ANO1: variants seen among roughly 807,000 people sequenced by gnomAD.
The protein encoded by ANO1 is anoctamin-1.
A neutral mutation model predicts 124.0 loss-of-function variants in ANO1; 59 were observed. The ratio of observed to expected loss-of-function variants is 0.48; its 90% CI spans 0.39 to 0.59. The LOEUF (loss-of-function observed/expected upper bound fraction) is 0.59, where lower values mean the gene tolerates loss of function less well. ANO1 is among the 20% of genes least tolerant of loss of function. The probability of loss-of-function intolerance (pLI) is 0.00; values close to 1 mark genes in which losing one functional copy is unlikely to be tolerated. For missense variants in ANO1, 1,059 were observed against 1,328.0 expected (o/e 0.80, Z 3.15); for synonymous variants, 529 against 532.0 (o/e 0.99, Z 0.08).
At chr11:70,136,848 G>A (rs1247025461) in intron 11 of ANO1, among the ~76,000 whole-genome samples, 2 of 147,750 alleles carry the variant, frequency 1.4e-5, no homozygotes, top group Non-Finnish European at 3.0e-5. Flanking sequence ...GGACAAAGGC[G>A]TTCGATTTTC....
chr11:70,180,274 G>A (rs1283641543), intron 23 of ANO1, among the ~76,000 whole-genome samples: 1 of 145,678 alleles, frequency 6.9e-6, no homozygotes, highest in Non-Finnish European at 1.5e-5. Flanking sequence ...ACCTTTTTCT[G>A]CAAGTTTTTT....
At chr11:70,005,362 G>A (rs1349787782) in intron 1 of ANO1, among the ~76,000 whole-genome samples, 1 of 152,162 alleles carries the variant, frequency 6.6e-6, no homozygotes, top group African/African-American at 2.4e-5. Context: ...CAGAGCATAA[G>A]GCTTTTCTCT....
chr11:70,134,520 G>A (rs930543676), intron 11 of ANO1, among the ~76,000 whole-genome samples: 20 of 152,318 alleles, frequency 1.3e-4, no homozygotes, highest in African/African-American at 4.3e-4. Context: ...ACTCTCAGCC[G>A]AGGCTTAGCA....
At chr11:70,162,294 C>T (rs190702293) in intron 18 of ANO1, among the ~76,000 whole-genome samples, 1 of 151,278 alleles carries the variant, frequency 6.6e-6, no homozygotes, top group Non-Finnish European at 1.5e-5. Context: ...GCAGTGGGGA[C>T]CCCAGGCAGT....
intron 1 of ANO1, among the ~76,000 whole-genome samples, chr11:70,021,919 C>G (rs1250050604): frequency 6.6e-6 from 1 of 152,198 alleles, no homozygotes. Context: ...CACACAAGAA[C>G]TTGTTCCCCC....
At chr11:70,054,115 G>A (rs1256144446) in intron 1 of ANO1, among the ~76,000 whole-genome samples, 2 of 152,142 alleles carry the variant, frequency 1.3e-5, no homozygotes, top group Non-Finnish European at 2.9e-5. Flanking sequence ...CAGGCAAGAG[G>A]GGCCCCTGCC....
At chr11:69,978,035 A>G in the ANO1 span, among the ~76,000 whole-genome samples, 6 of 152,278 alleles carry the variant, frequency 3.9e-5, no homozygotes, top group African/African-American at 1.2e-4. Flanking sequence ...CGGTGTCCCC[A>G]GGGCAGCTTG....
intron 8 of ANO1, among the ~76,000 whole-genome samples, chr11:70,121,430 CAG>C (rs2046263610): frequency 6.7e-6 from 1 of 148,502 alleles, no homozygotes; most frequent in African/African-American, 2.5e-5. Flanking sequence ...ACCTCTCTGT[CAG>C]TCTCTCTGTC....
intron 1 of ANO1, among the ~76,000 whole-genome samples, chr11:70,002,872 G>T (rs987707519): frequency 2.1e-4 from 32 of 151,986 alleles, no homozygotes; most frequent in Non-Finnish European, 3.5e-4. Flanking sequence ...GCAAAGTAAA[G>T]ATCTGAGTGC....
chr11:70,059,600 C>T (rs76721811), intron 1 of ANO1, among the ~76,000 whole-genome samples: 1 of 151,880 alleles, frequency 6.6e-6, no homozygotes. Context: ...AAGCCTGATG[C>T]GTAGGAAAAG....
chr11:70,132,570 G>A (rs141620864), intron 11 of ANO1, among the ~76,000 whole-genome samples: 462 of 152,298 alleles, frequency 3.0e-3, no homozygotes, highest in African/African-American at 0.011. Flanking sequence ...GTTGGGAATC[G>A]CCTGGGGTCA....
chr11:70,036,325 A>G (rs1857093031), intron 1 of ANO1, among the ~76,000 whole-genome samples: 1 of 152,066 alleles, frequency 6.6e-6, no homozygotes, highest in African/African-American at 2.4e-5. Flanking sequence ...TGTCCTTTAC[A>G]GTTGTCCCTG....
intron 1 of ANO1, among the ~76,000 whole-genome samples, chr11:70,042,534 AGAGATT>A (rs1555005171): frequency 1.3e-5 from 2 of 151,498 alleles, no homozygotes; most frequent in African/African-American, 4.9e-5. Flanking sequence ...AGAGAGAGAG[AGAGATT>A]GAGAGATTGA....
At chr11:70,171,133 G>A in intron 22 of ANO1, 94 bp downstream of exon 22, 1 of 1,481,674 alleles carries the variant, frequency 6.7e-7, no homozygotes, top group Non-Finnish European at 9.1e-7. Context: ...GCCAGAGCTG[G>A]CCAGGTGTCC....
At chr11:70,043,130 G>C (rs1857207727) in intron 1 of ANO1, among the ~76,000 whole-genome samples, 1 of 152,294 alleles carries the variant, frequency 6.6e-6, no homozygotes, top group Admixed American at 6.5e-5. Context: ...AGGGAATCAT[G>C]AACTGATAAG....
the ANO1 span, among the ~76,000 whole-genome samples, chr11:69,974,722 G>A: frequency 4.6e-5 from 7 of 152,230 alleles, no homozygotes; most frequent in East Asian, 1.2e-3. Flanking sequence ...TACAATTTAT[G>A]GTGCCTGTGA....
chr11:70,131,744 A>T (rs2046767155), intron 10 of ANO1, among the ~76,000 whole-genome samples, 175 bp from the exon 11 acceptor site: 3 of 152,232 alleles, frequency 2.0e-5, no homozygotes, highest in Non-Finnish European at 2.9e-5. Flanking sequence ...CTGGATGGCA[A>T]GGAGGGACAG....
At chr11:70,051,675 C>T (rs1857351548) in intron 1 of ANO1, among the ~76,000 whole-genome samples, 1 of 152,160 alleles carries the variant, frequency 6.6e-6, no homozygotes, top group Non-Finnish European at 1.5e-5. Flanking sequence ...AAATCATAGG[C>T]ATATGGATCA....
intron 2 of ANO1, among the ~76,000 whole-genome samples, chr11:70,090,550 C>G (rs1049226541): frequency 6.6e-6 from 1 of 152,186 alleles, no homozygotes; most frequent in Non-Finnish European, 1.5e-5. Context: ...AATTCAGAGT[C>G]TGGCCTGTGG....
Sources: allele counts gnomAD v4.1 joint callset (sites outside exome capture counted in the v4.1 genomes callset), GRCh38; gene constraint gnomAD v4.1.1; transcripts MANE v1.5; gene names NCBI Gene and HGNC (gene_info 2026-07-23, HGNC 2026-07-21).